Variants in TXNRD1 observed in about 807,000 individuals in gnomAD.
The protein encoded by TXNRD1 is thioredoxin reductase 1, cytoplasmic.
Under a neutral mutation model 80.3 loss-of-function variants are expected in TXNRD1, and 57 were observed. That is an observed-to-expected ratio of 0.71 (90% CI 0.57 to 0.89). The LOEUF (loss-of-function observed/expected upper bound fraction) is 0.89, where lower values mean the gene tolerates loss of function less well. Ranked by LOEUF, TXNRD1 falls within the 40% of genes least tolerant of loss-of-function variation. TXNRD1 has a pLI of 0.00. For missense variants in TXNRD1, 730 were observed against 803.0 expected (o/e 0.91, Z 1.10); for synonymous variants, 291 against 285.2 (o/e 1.02, Z -0.20).
chr12:104,346,208 G>A (rs979966922), intron 16 of TXNRD1: 4 of 251,440 alleles, frequency 1.6e-5, no homozygotes, highest in Non-Finnish European at 2.4e-5. Context: ...AGACAGGGTC[G>A]CATTATGTTG....
rs763480579 is a variant in TXNRD1, at chr12:104,325,310, C to CA, written c.1216-26dup. On this transcript the variant is annotated intron_variant, in intron 10 of 16. Transcript: ENST00000525566. ...TCCAACTTGATAAATGTCTTTATTT[C>CA]ACAGTAAAACTTTATCACTCTTACA... is the stretch of plus-strand genomic sequence containing the variant. 6.5e-6 allele frequency: 10 copies of CA among 1,548,266 alleles called. No individual in the cohort carries two copies. In the African/African-American group the frequency reaches 1.4e-4, roughly 21 times the overall value.
intron 4 of TXNRD1, among the ~76,000 whole-genome samples, chr12:104,300,198 T>A (rs916169533): frequency 7.2e-5 from 11 of 152,040 alleles, no homozygotes; most frequent in African/African-American, 2.7e-4. Flanking sequence ...TCAAGAATGC[T>A]TGGAATTAAC....
At chr12:104,255,809 A>C (rs1243663590) in intron 2 of TXNRD1, among the ~76,000 whole-genome samples, 1 of 152,124 alleles carries the variant, frequency 6.6e-6, no homozygotes, top group Non-Finnish European at 1.5e-5. Flanking sequence ...ACAACAACAT[A>C]TAGTCATCCT....
intron 4 of TXNRD1, among the ~76,000 whole-genome samples, chr12:104,294,471 G>T (rs1038183170): frequency 4.6e-5 from 7 of 152,052 alleles, no homozygotes; most frequent in African/African-American, 9.6e-5. Flanking sequence ...GTATGGCCTG[G>T]TTTTTCCTAG....
At chr12:104,247,398 G>C (rs1208340583) in intron 1 of TXNRD1, among the ~76,000 whole-genome samples, 3 of 152,054 alleles carry the variant, frequency 2.0e-5, no homozygotes, top group Non-Finnish European at 4.4e-5. Context: ...TTTTCTGACT[G>C]CCTGGTTCTG....
chr12:104,301,936 G>A (rs1169192888), intron 4 of TXNRD1, among the ~76,000 whole-genome samples: 2 of 152,170 alleles, frequency 1.3e-5, no homozygotes, highest in Admixed American at 6.5e-5. Flanking sequence ...ACGAATCTGT[G>A]AACTTAAATC....
chr12:104,234,356 A>G (rs1718641627), intron 1 of TXNRD1, among the ~76,000 whole-genome samples: 1 of 152,124 alleles, frequency 6.6e-6, no homozygotes, highest in Non-Finnish European at 1.5e-5. Context: ...GTGCAGTGGC[A>G]TGATCTCAGC....
chr12:104,283,811 G>A (rs12811618), intron 3 of TXNRD1, among the ~76,000 whole-genome samples: 78,174 of 151,776 alleles, frequency 0.52, 20,678 homozygotes, highest in East Asian at 0.62. Flanking sequence ...CGGAGGCTGC[G>A]GTGAGCCGAG....
chr12:104,256,096 A>G (rs2033243025), intron 2 of TXNRD1, among the ~76,000 whole-genome samples: 1 of 152,084 alleles, frequency 6.6e-6, no homozygotes, highest in Non-Finnish European at 1.5e-5. Context: ...TTCCCAGGTT[A>G]TTTTCTTTAG....
chr12:104,334,389 TTG>T lies in TXNRD1; in HGVS notation c.1746+59_1746+60del. ...TTTATTTAGTTGTTGTTTTTTGTTG[TTG>T]TTTTTTTTTTAGATGGAGTCTTGCT... On this transcript the variant is annotated intron_variant, in intron 15 of 16. Transcript: ENST00000525566. The T allele has an allele frequency of 4.3e-6, 5 of 1,164,062 alleles. No homozygotes were observed. In the African/African-American group the frequency reaches 6.4e-5, roughly 15 times the overall value. The allele number at this position is 1,164,062 out of a possible 1,614,324, so 72.1% of individuals were successfully genotyped here.
intron 6 of TXNRD1, 112 bp from the exon 7 acceptor site, chr12:104,315,665 A>G: frequency 7.8e-7 from 1 of 1,277,128 alleles, no homozygotes; most frequent in Non-Finnish European, 1.1e-6. Flanking sequence ...GACCACATTA[A>G]GCAAATATAA....
chr12:104,336,989 ACTTTG>A (rs2036161050), intron 15 of TXNRD1, among the ~76,000 whole-genome samples: 1 of 148,590 alleles, frequency 6.7e-6, no homozygotes. Context: ...AAAAGGTAAA[ACTTTG>A]AAGTCGAAGG....
chr12:104,262,654 A>G (rs2135714412), intron 3 of TXNRD1: 1 of 152,366 alleles, frequency 6.6e-6, no homozygotes, highest in South Asian at 2.1e-4. Flanking sequence ...ACATGGGTGC[A>G]TTTATTCATT....
chr12:104,250,067 C>T (rs12310731), intron 1 of TXNRD1, among the ~76,000 whole-genome samples: 10,715 of 151,794 alleles, frequency 0.071, 483 homozygotes, highest in Middle Eastern at 0.15. Context: ...GGTGTAGTGA[C>T]AGTATAACAT....
intron 3 of TXNRD1, among the ~76,000 whole-genome samples, chr12:104,266,524 CA>C (rs60829935): frequency 0.24 from 26,480 of 111,042 alleles, 2,792 homozygotes; most frequent in African/African-American, 0.34. Flanking sequence ...GAATTCATCT[CA>C]AAAAAAAAAA....
In TXNRD1 at chr12:104,227,273, C is replaced by A. The variant is rs370120806; in HGVS notation, c.91+11380C>A. On this transcript the variant is annotated intron_variant, in intron 1 of 16. Coordinates refer to ENST00000525566, the MANE Select transcript of TXNRD1 (RefSeq NM_001093771.3). ...TTTTATTATTTATTTTAATTTATTT[C>A]TTTTTGGAGAAAGGGTCTTGCTCTG... is the stretch of plus-strand genomic sequence containing the variant. Among the ~76,000 whole-genome samples, 4 of 151,446 alleles carry A rather than the reference C, an allele frequency of 2.6e-5. No individual in the cohort carries two copies. In the East Asian group the frequency reaches 5.8e-4, roughly 22 times the overall value.
chr12:104,303,020 G>T (rs537647081), intron 4 of TXNRD1, among the ~76,000 whole-genome samples: 1 of 152,036 alleles, frequency 6.6e-6, no homozygotes, highest in Non-Finnish European at 1.5e-5. Flanking sequence ...ATTCAGTGTC[G>T]GTGGCCTTTA....
chr12:104,267,824 C>CTCCCTCCT (rs1186831612), intron 3 of TXNRD1, among the ~76,000 whole-genome samples: 146 of 141,924 alleles, frequency 1.0e-3, no homozygotes, highest in Admixed American at 1.8e-3. Context: ...CCTTCCCTCC[C>CTCCCTCCT]TCCCTCCTTC....
In TXNRD1 at chr12:104,338,637, C is replaced by T. The variant is rs564822136; in HGVS notation, c.1747-502C>T. On this transcript the variant is annotated intron_variant, in intron 15 of 16. Transcript: ENST00000525566. ...GCTTGAATCCAGGAGGCGGAGGTTG[C>T]GGTGAGTGGAGATCGCGCCATTGCA... 4.7e-4 allele frequency among the ~76,000 whole-genome samples: 69 copies of T among 145,740 alleles called. 2 individuals carry two copies. The highest frequency in any genetic ancestry group is 1.7e-3 in the Admixed American group (25 of 14,742).
Sources: gnomAD v4.1 joint callset for allele counts (sites outside exome capture counted in the v4.1 genomes callset) on GRCh38, gnomAD v4.1.1 for gene constraint, MANE v1.5 for transcripts, NCBI Gene and HGNC (gene_info 2026-07-23, HGNC 2026-07-21) for gene names.